SH3BP5L: variants seen among roughly 807,000 people sequenced by gnomAD.
SH3BP5L encodes SH3 domain-binding protein 5-like.
SH3BP5L carries 16 observed loss-of-function variants against 40.9 expected under a neutral mutation model. The observed-to-expected ratio is 0.39, with a 90% CI of 0.27 to 0.59. The LOEUF is 0.59. SH3BP5L is among the 20% of genes least tolerant of loss of function. The pLI is 0.53. For missense variants in SH3BP5L, 471 were observed against 544.6 expected (o/e 0.86, Z 1.35); for synonymous variants, 229 against 226.7 (o/e 1.01, Z -0.09).
In SH3BP5L at chr1:248,811,850, C is replaced by T; in HGVS notation, c.*50G>A. 2.2e-6 allele frequency: 3 copies of T among 1,348,950 alleles called. No individual in the cohort carries two copies. Among genetic ancestry groups the T allele is most frequent in the Non-Finnish European group, 3.0e-6 (3 of 1,004,030 alleles). The allele number at this position is 1,348,950 out of a possible 1,614,324, so 83.6% of individuals were successfully genotyped here. ...GAGAGGGCGTGAGAAGACTGTGGGCCCCAACCGGCCCGTGGTGGCAGATTC... is the reference window on the plus strand; with the variant it reads ...GAGAGGGCGTGAGAAGACTGTGGGCTCCAACCGGCCCGTGGTGGCAGATTC... On this transcript the variant is annotated 3_prime_UTR_variant, in exon 7 of 7. Transcript: ENST00000366472.
Position 248,811,828 on chromosome 1 carries a change from A to AGG in SH3BP5L, c.*70_*71dup. 2 of 1,116,334 alleles carry AGG rather than the reference A, an allele frequency of 1.8e-6. No individual in the cohort carries two copies. The highest frequency in any genetic ancestry group is 2.5e-6 in the Non-Finnish European group (2 of 803,330). 69.2% of individuals were successfully genotyped at this position (1,116,334 alleles called of 1,614,324 possible). A position where few individuals can be genotyped will look rare whatever the true frequency, so the allele number is the denominator to read the frequency against. ...TCGGGAAGACGAGGCCCCAGAGGAGAGGGCGTGAGAAGACTGTGGGCCCCA... is the reference window on the plus strand; with the variant it reads ...TCGGGAAGACGAGGCCCCAGAGGAGAGGGGGCGTGAGAAGACTGTGGGCCCCA... On this transcript the variant is annotated 3_prime_UTR_variant, in exon 7 of 7. Coordinates refer to ENST00000366472, the MANE Select transcript of SH3BP5L (RefSeq NM_030645.3).
At chr1:248,816,985 C>T (rs1664125657) in intron 2 of SH3BP5L, 101 bp from the exon 3 acceptor site, 2 of 1,595,130 alleles carry the variant, frequency 1.3e-6, no homozygotes, top group Non-Finnish European at 1.7e-6. Flanking sequence ...CCCCACTTGC[C>T]CAGGGAAATG....
rs1188330033 is a variant in SH3BP5L, at chr1:248,814,614, G to A, written c.376-4C>T. 1.2e-6 allele frequency: 2 copies of A among 1,614,164 alleles called. No individual in the cohort carries two copies. Among genetic ancestry groups the A allele is most frequent in the Non-Finnish European group, 8.5e-7 (1 of 1,180,022 alleles). On this transcript the variant is annotated splice_region_variant and splice_polypyrimidine_tract_variant and intron_variant, in intron 4 of 6. Transcript: ENST00000366472. ...CCTTCTGTGTCTCCTGCTGAGCCTG[G>A]GGGGAGAGGGATATCAGGATGGGGA... is the stretch of plus-strand genomic sequence containing the variant.
rs988041504 is a variant in SH3BP5L, at chr1:248,825,848, C to A, written c.-445G>T. The A allele has an allele frequency of 1.4e-5, 14 of 983,918 alleles. No individual in the cohort carries two copies. The highest frequency in any genetic ancestry group is 1.6e-5 in the Non-Finnish European group (13 of 829,062). 60.9% of individuals were successfully genotyped at this position (983,918 alleles called of 1,614,324 possible). A position where few individuals can be genotyped will look rare whatever the true frequency, so the allele number is the denominator to read the frequency against. ...GCACAGCCTTACCTCAGTTTACCTT[C>A]CCGTCCGCGGAGCTTCTATGCTGCA... On this transcript the variant is annotated 5_prime_UTR_variant, in exon 1 of 7. Coordinates refer to ENST00000366472, the MANE Select transcript of SH3BP5L (RefSeq NM_030645.3).
Position 248,824,848 on chromosome 1 carries a change from T to C in SH3BP5L, c.88A>G (p.Ser30Gly). 1 of 1,614,150 alleles carries C rather than the reference T, an allele frequency of 6.2e-7. No homozygotes were observed. Among genetic ancestry groups the C allele is most frequent in the Non-Finnish European group, 8.5e-7 (1 of 1,180,018 alleles). ...CCTCCAGGCTCTTCTGCGACTGGGC[T>C]CCTAGGGACTTCATCCTCTACAACT... ...PEVVEDEVPR[S>G]PVAEEPGGGG... Residue 30 changes from serine (S) to glycine (G), a missense_variant, in exon 2 of 7, where the codon AGC (serine) becomes GGC (glycine). By Grantham distance (56) the Ser-to-Gly change is moderately conservative. Around this residue, in one of 2 missense-constraint regions of SH3BP5L, gnomAD observed 275 missense variants for 370.1 expected, o/e 0.74. Coordinates refer to ENST00000366472, the MANE Select transcript of SH3BP5L (RefSeq NM_030645.3).
Position 248,812,313 on chromosome 1 carries a change from A to C in SH3BP5L, c.769T>G (p.Tyr257Asp). ...EQQVAQAKTR[Y>D]SVALRNLEQI... Reference sequence around the variant, plus strand: ...TCCAGGTTACGAAGGGCCACGGAGTAGCGCGTCTTGGCCTGAGCTACCTGC... The same window carrying C: ...TCCAGGTTACGAAGGGCCACGGAGTCGCGCGTCTTGGCCTGAGCTACCTGC... The change falls in exon 7 of 7, where the codon TAC (tyrosine) becomes GAC (aspartate). Residue 257 changes from tyrosine (Y) to aspartate (D), a missense_variant. Physicochemically the swap from Tyr to Asp is radical, Grantham distance 160 (BLOSUM62 -3). Around this residue, in one of 2 missense-constraint regions of SH3BP5L, gnomAD observed 275 missense variants for 370.1 expected, o/e 0.74. Transcript: ENST00000366472. This position sits in a 1 kb window ranked among gnomAD's most constrained non-coding sequence, Gnocchi z 6.1. The C allele has an allele frequency of 6.2e-7, 1 of 1,610,792 alleles. No individual in the cohort carries two copies.
intron 4 of SH3BP5L, chr1:248,814,936 CAG>C (rs1357148861): frequency 5.0e-6 from 2 of 401,840 alleles, no homozygotes; most frequent in Non-Finnish European, 9.5e-6. Flanking sequence ...GCAACATAGA[CAG>C]AGTCTTACAG....
chr1:248,814,171 C>A, intron 5 of SH3BP5L: 1 of 488,034 alleles, frequency 2.0e-6, no homozygotes, highest in Non-Finnish European at 3.7e-6. Flanking sequence ...GTTGAATCCT[C>A]AGTATCCACC....
In SH3BP5L at chr1:248,811,705, T is replaced by C. The variant is rs1356153816; in HGVS notation, c.*195A>G. The C allele has an allele frequency of 1.9e-6, 1 of 531,602 alleles. No homozygotes were observed. Among genetic ancestry groups the C allele is most frequent in the Non-Finnish European group, 3.3e-6 (1 of 301,980 alleles). The allele number at this position is 531,602 out of a possible 1,614,324, so 32.9% of individuals were successfully genotyped here. On this transcript the variant is annotated 3_prime_UTR_variant, in exon 7 of 7. Transcript: ENST00000366472. Reference sequence around the variant, plus strand: ...AATGGGTAAGGCAAAGAGAGCCGCCTGCTGAGGGGAAGGGGGAGGCTGTGA... The same window carrying C: ...AATGGGTAAGGCAAAGAGAGCCGCCCGCTGAGGGGAAGGGGGAGGCTGTGA...
At chr1:248,813,332 A>G (rs1469376418) in intron 5 of SH3BP5L, 170 bp from the exon 6 acceptor site, 8 of 587,836 alleles carry the variant, frequency 1.4e-5, no homozygotes, top group Non-Finnish European at 1.1e-5. Flanking sequence ...GGGGTCTATG[A>G]GCCTCAAGAC....
intron 2 of SH3BP5L, 62 bp from the exon 3 acceptor site, chr1:248,816,946 C>A (rs778381807): frequency 3.1e-6 from 5 of 1,612,070 alleles, no homozygotes; most frequent in Non-Finnish European, 3.4e-6. Context: ...ATGAACCATG[C>A]AAGGCAGGAG....
intron 2 of SH3BP5L, among the ~76,000 whole-genome samples, chr1:248,819,691 A>G (rs1664200007): frequency 7.0e-6 from 1 of 142,004 alleles, no homozygotes; most frequent in Non-Finnish European, 1.5e-5. Context: ...TGAAGGAGCA[A>G]GACTCAGTCT....
In SH3BP5L at chr1:248,811,697, G is replaced by A; in HGVS notation, c.*203C>T. On this transcript the variant is annotated 3_prime_UTR_variant, in exon 7 of 7. Transcript: ENST00000366472. ...GCCTTCTGAATGGGTAAGGCAAAGA[G>A]AGCCGCCTGCTGAGGGGAAGGGGGA... 1 of 545,456 alleles carries A rather than the reference G, an allele frequency of 1.8e-6. No homozygotes were observed. The highest frequency in any genetic ancestry group is 3.2e-6 in the Non-Finnish European group (1 of 309,500). 33.8% of individuals were successfully genotyped at this position (545,456 alleles called of 1,614,324 possible).
rs1312420088 is a variant in SH3BP5L, at chr1:248,824,733, C to T, written c.183+20G>A. On this transcript the variant is annotated intron_variant, in intron 2 of 6. Transcript: ENST00000366472. Reference sequence around the variant, plus strand: ...CTGGAATCTGGGCTCTCCTTCTCTCCCTGCTCTCAGTGCTCTCACCTGTAT... The same window carrying T: ...CTGGAATCTGGGCTCTCCTTCTCTCTCTGCTCTCAGTGCTCTCACCTGTAT... The T allele has an allele frequency of 2.5e-6, 4 of 1,612,026 alleles. No homozygotes were observed. Among genetic ancestry groups the T allele is most frequent in the Admixed American group, 1.7e-5 (1 of 59,880 alleles).
rs1171154323 is a variant in SH3BP5L at position 248,823,641 on chromosome 1, G to C, written c.183+1112C>G. 4.7e-5 allele frequency among the ~76,000 whole-genome samples: 7 copies of C among 148,738 alleles called. No individual in the cohort carries two copies. In the East Asian group the frequency reaches 1.3e-3, roughly 28 times the overall value. On this transcript the variant is annotated intron_variant, in intron 2 of 6. Coordinates refer to ENST00000366472, the MANE Select transcript of SH3BP5L (RefSeq NM_030645.3). Reference sequence around the variant, plus strand: ...TTATAAGCATGGACACAGTAGAAGAGGAACCCACACACACACACATATCCC... The same window carrying C: ...TTATAAGCATGGACACAGTAGAAGACGAACCCACACACACACACATATCCC...
chr1:248,819,729 AC>A (rs1664203702), intron 2 of SH3BP5L, among the ~76,000 whole-genome samples: 2 of 147,270 alleles, frequency 1.4e-5, no homozygotes, highest in Admixed American at 6.8e-5. Context: ...AAAAAAAATC[AC>A]AAAAAAAAAT....
chr1:248,824,785 T>C lies in SH3BP5L; in HGVS notation c.151A>G (p.Arg51Gly), dbSNP rs866195712. The change falls in exon 2 of 7, where the codon AGA becomes GGA. Residue 51 changes from arginine to glycine, a missense_variant. Arg to Gly is a moderately radical substitution (Grantham distance 125). This residue lies in a region of SH3BP5L where 275 missense variants were observed against 370.1 expected (regional missense o/e 0.74). Coordinates refer to ENST00000366472, the MANE Select transcript of SH3BP5L (RefSeq NM_030645.3). ...CTAGGATCCAGTTCTTCCTCCTCTC[T>C]TGGGGACAATTTGGCCTCACTGCTG... ...SSSSEAKLSP[R>G]EEEELDPRIQ... 2.5e-6 allele frequency: 4 copies of C among 1,614,164 alleles called. No homozygotes were observed. Among genetic ancestry groups the C allele is most frequent in the Middle Eastern group, 1.6e-4 (1 of 6,062 alleles).
At chr1:248,815,837 G>A (rs1347658866) in intron 4 of SH3BP5L, among the ~76,000 whole-genome samples, 5 of 152,156 alleles carry the variant, frequency 3.3e-5, no homozygotes, top group African/African-American at 9.7e-5. Context: ...AAGGCGCTGC[G>A]CTTTGCTTTC....
At chr1:248,817,016 G>A (rs1300231521) in intron 2 of SH3BP5L, 132 bp from the exon 3 acceptor site, 5 of 1,560,114 alleles carry the variant, frequency 3.2e-6, no homozygotes, top group African/African-American at 1.4e-5. Flanking sequence ...CTCAGGAAAG[G>A]AAAGAAGATA....
Sources: allele counts gnomAD v4.1 joint callset (sites outside exome capture counted in the v4.1 genomes callset), GRCh38; gene constraint gnomAD v4.1.1; regional missense constraint gnomAD v4.1.1; non-coding constraint Gnocchi (gnomAD v3.1); transcripts MANE v1.5; gene names NCBI Gene and HGNC (gene_info 2026-07-23, HGNC 2026-07-21).